MAF: variants seen among roughly 807,000 people sequenced by gnomAD.
MAF encodes the protein transcription factor Maf.
In MAF, 10 loss-of-function variants were observed where a neutral mutation model predicts 22.0. The observed-to-expected ratio is 0.45, with a 90% confidence interval of 0.28 to 0.77. The LOEUF is 0.77. MAF is among the 30% of genes least tolerant of loss of function. The probability of loss-of-function intolerance (pLI) is 0.12; values close to 1 mark genes in which losing one functional copy is unlikely to be tolerated. For missense variants in MAF, 544 were observed against 548.4 expected, an observed-to-expected ratio of 0.99 and a Z score of 0.08; for synonymous variants, 337 against 255.8, an observed-to-expected ratio of 1.32 and a Z score of -3.03.
the MAF span, among the ~76,000 whole-genome samples, chr16:79,487,529 G>A: frequency 1.9e-4 from 29 of 152,100 alleles, no homozygotes; most frequent in Non-Finnish European, 3.5e-4. Context: ...TCTGTTTGGG[G>A]GCAATCCTGA....
chr16:79,597,895 G>A, intron 1 of MAF: 1 of 1,035,976 alleles, frequency 9.7e-7, no homozygotes, highest in Non-Finnish European at 1.2e-6. Flanking sequence ...GCATAATAAT[G>A]CATGAGATGA....
the MAF span, among the ~76,000 whole-genome samples, chr16:79,382,491 G>A: frequency 6.6e-6 from 1 of 152,182 alleles, no homozygotes; most frequent in Non-Finnish European, 1.5e-5. Flanking sequence ...GAACTAAATT[G>A]TAAACTGTGC....
the MAF span, among the ~76,000 whole-genome samples, chr16:79,558,562 C>T: frequency 6.4e-4 from 97 of 152,230 alleles, 1 homozygote; most frequent in Middle Eastern, 6.8e-3. Context: ...TCAGACTTTT[C>T]GGGAATCAGC....
At chr16:79,579,193 C>T in the MAF span, among the ~76,000 whole-genome samples, 1 of 152,152 alleles carries the variant, frequency 6.6e-6, no homozygotes, top group African/African-American at 2.4e-5. Context: ...AATAATACTC[C>T]TTCATGAAAA....
At chr16:79,241,210 T>A in the MAF span, among the ~76,000 whole-genome samples, 1 of 151,956 alleles carries the variant, frequency 6.6e-6, no homozygotes, top group African/African-American at 2.4e-5. Context: ...CTGACAGAAG[T>A]AGACTTCCCA....
At chr16:79,530,100 G>A in the MAF span, among the ~76,000 whole-genome samples, 2 of 152,154 alleles carry the variant, frequency 1.3e-5, no homozygotes, top group African/African-American at 4.8e-5. Context: ...CCAAGTGAGG[G>A]CCAAACAAGT....
chr16:79,367,721 A>G, the MAF span, among the ~76,000 whole-genome samples: 12 of 152,308 alleles, frequency 7.9e-5, no homozygotes, highest in South Asian at 2.5e-3. Context: ...AGTTAATTTA[A>G]ATTTCACGTA....
chr16:79,443,593 G>A, the MAF span, among the ~76,000 whole-genome samples: 1 of 152,198 alleles, frequency 6.6e-6, no homozygotes, highest in Non-Finnish European at 1.5e-5. Flanking sequence ...CTTATACCCA[G>A]CCATTCTCCA....
At chr16:79,238,612 G>C in the MAF span, among the ~76,000 whole-genome samples, 1 of 151,900 alleles carries the variant, frequency 6.6e-6, no homozygotes, top group Non-Finnish European at 1.5e-5. Context: ...TCTGGAAATG[G>C]GAATGAGGTT....
the MAF span, chr16:79,206,557 C>G: frequency 5.3e-5 from 8 of 152,194 alleles, no homozygotes; most frequent in African/African-American, 1.7e-4. Context: ...ATCGTAACCT[C>G]TCAATAAATG....
At chr16:79,474,644 C>T in the MAF span, among the ~76,000 whole-genome samples, 1 of 152,230 alleles carries the variant, frequency 6.6e-6, no homozygotes, top group Admixed American at 6.5e-5. Context: ...CTGTCTGATA[C>T]CTCATTCTTT....
the MAF span, among the ~76,000 whole-genome samples, chr16:79,427,594 C>G: frequency 0.69 from 105,086 of 151,946 alleles, 37,329 homozygotes; most frequent in East Asian, 0.99. Context: ...GGTGCACAGC[C>G]AGGAATGCTC....
chr16:79,568,585 T>C, the MAF span, among the ~76,000 whole-genome samples: 30 of 152,314 alleles, frequency 2.0e-4, no homozygotes, highest in African/African-American at 7.0e-4. Flanking sequence ...AGTGGCCACA[T>C]GCACTTGAGC....
the MAF span, among the ~76,000 whole-genome samples, chr16:79,401,011 C>T: frequency 5.5e-4 from 84 of 152,288 alleles, 1 homozygote; most frequent in Middle Eastern, 3.4e-3. Flanking sequence ...AGACTCTGTC[C>T]GCTGATAAGG....
At chr16:79,495,362 C>T in the MAF span, among the ~76,000 whole-genome samples, 1 of 152,058 alleles carries the variant, frequency 6.6e-6, no homozygotes, top group African/African-American at 2.4e-5. Flanking sequence ...ACTCAGGAAG[C>T]TGAGGTAGGA....
At chr16:79,360,874 C>T in the MAF span, among the ~76,000 whole-genome samples, 8 of 152,174 alleles carry the variant, frequency 5.3e-5, no homozygotes, top group Non-Finnish European at 8.8e-5. Flanking sequence ...TTGCTCCTGC[C>T]ATGAAAGCTG....
At chr16:79,491,175 C>T in the MAF span, among the ~76,000 whole-genome samples, 17 of 152,254 alleles carry the variant, frequency 1.1e-4, no homozygotes, top group Admixed American at 9.2e-4. Context: ...TTACTATGTG[C>T]TTTCAGGGCA....
At chr16:79,325,602 C>CACACACACACACACACACACACACACAGA in the MAF span, among the ~76,000 whole-genome samples, 1 of 107,882 alleles carries the variant, frequency 9.3e-6, no homozygotes, top group Admixed American at 8.4e-5. Flanking sequence ...GACACAAACA[C>CACACACACACACACACACACACACACAGA]ACACACACAC....
the MAF span, chr16:79,204,253 AT>A: frequency 6.6e-6 from 1 of 152,150 alleles, no homozygotes; most frequent in African/African-American, 2.4e-5. Flanking sequence ...GATATAAGAC[AT>A]CATCAACAAT....
Sources: gnomAD v4.1 joint callset for allele counts (sites outside exome capture counted in the v4.1 genomes callset) on GRCh38, gnomAD v4.1.1 for gene constraint, MANE v1.5 for transcripts, NCBI Gene and HGNC (gene_info 2026-07-23, HGNC 2026-07-21) for gene names.